LRIG2: variants seen among roughly 807,000 people sequenced by gnomAD.
LRIG2 encodes the protein leucine rich repeats and immunoglobulin like domains 2.
A neutral mutation model predicts 107.8 loss-of-function variants in LRIG2; 93 were observed. The ratio of observed to expected loss-of-function variants is 0.86; its 90% confidence interval spans 0.73 to 1.03. The LOEUF is 1.03. LRIG2 is among the 50% of genes least tolerant of loss of function. The pLI is 0.00. For missense variants in LRIG2, 1,226 were observed against 1,296.0 expected (o/e 0.95, Z 0.83); for synonymous variants, 471 against 470.6 (o/e 1.00, Z -0.01).
intron 1 of LRIG2, among the ~76,000 whole-genome samples, chr1:113,074,919 G>C (rs535520675): frequency 8.8e-6 from 1 of 114,016 alleles, no homozygotes; most frequent in Admixed American, 1.1e-4. Flanking sequence ...GGGGAGGGAG[G>C]GTCGGGGAGG....
chr1:113,119,711 C>T (rs1419405033), intron 17 of LRIG2, among the ~76,000 whole-genome samples, 188 bp downstream of exon 17: 1 of 152,132 alleles, frequency 6.6e-6, no homozygotes. Context: ...AAGAAGTCTT[C>T]ATCTATAGGA....
chr1:113,108,368 C>T (rs1333355480), intron 12 of LRIG2, among the ~76,000 whole-genome samples: 4 of 151,040 alleles, frequency 2.6e-5, no homozygotes, highest in East Asian at 2.0e-4. Flanking sequence ...GGATTACAGG[C>T]GTGTGCCACC....
At position 113,128,862 on chromosome 1, in the gene LRIG2, A is replaced by G. The variant is rs924452034; in HGVS notation, c.*4761A>G. The G allele has an allele frequency of 2.6e-5, 4 of 152,180 alleles. No homozygotes were observed. The highest frequency in any genetic ancestry group is 9.7e-5 in the African/African-American group (4 of 41,448). 9.4% of individuals were successfully genotyped at this position (152,180 alleles called of 1,614,324 possible). ...AGTTTGTGACTCACCTTTCTAATGT[A>G]TTCGAAGTTATCCCTATAATTATAT... On this transcript the variant is annotated 3_prime_UTR_variant, in exon 18 of 18. Transcript: ENST00000361127.
intron 1 of LRIG2, among the ~76,000 whole-genome samples, chr1:113,082,602 G>C (rs1052721564): frequency 6.6e-6 from 1 of 152,158 alleles, no homozygotes; most frequent in South Asian, 2.1e-4. Context: ...AGAGAGAGTT[G>C]TGTAGGGGAG....
chr1:113,117,640 T>C (rs910281850), intron 16 of LRIG2, among the ~76,000 whole-genome samples: 2 of 151,938 alleles, frequency 1.3e-5, no homozygotes, highest in African/African-American at 4.8e-5. Flanking sequence ...CGTGCCACCA[T>C]ACCCGGCTAA....
Position 113,115,307 on chromosome 1 carries a change from C to T in LRIG2, c.2530+431C>T, listed in dbSNP as rs1654956943. Among the ~76,000 whole-genome samples, 3 of 152,216 alleles carry T rather than the reference C, an allele frequency of 2.0e-5. No individual in the cohort carries two copies. The South Asian group carries it at 6.2e-4, about 32-fold the overall frequency. ...ATGGCTCACTGCAGCGTTGACTTCC[C>T]AGGCTCAGGTGATTCTCCCATCTCG... is the stretch of plus-strand genomic sequence containing the variant. On this transcript the variant is annotated intron_variant, in intron 15 of 17. Transcript: ENST00000361127.
At position 113,094,477 on chromosome 1, in the gene LRIG2, A is replaced by G. The variant is rs147709008; in HGVS notation, c.654A>G (p.Gln218=). Residue 218 remains glutamine, a synonymous_variant, in exon 5 of 18, where the codon CAA becomes CAG. Coordinates refer to ENST00000361127, the MANE Select transcript of LRIG2 (RefSeq NM_014813.3). ...PPKIFKLPHL[Q]FLELKRNRIK... ...AGATCTTCAAGCTGCCTCACCTCCAATTCTTGTGAGTAACGAAATAGACGG... is the reference window on the plus strand; with the variant it reads ...AGATCTTCAAGCTGCCTCACCTCCAGTTCTTGTGAGTAACGAAATAGACGG... 2.5e-6 allele frequency: 4 copies of G among 1,607,038 alleles called. No homozygotes were observed. Among genetic ancestry groups the G allele is most frequent in the South Asian group, 2.3e-5 (2 of 88,138 alleles).
At position 113,114,697 on chromosome 1, in the gene LRIG2, T is replaced by C. The variant is rs908289643; in HGVS notation, c.2351T>C (p.Ile784Thr). The change falls in exon 15 of 18, where the codon ATT becomes ACT. Residue 784 changes from isoleucine to threonine, a missense_variant. By Grantham distance (89) the Ile-to-Thr change is moderately conservative (BLOSUM62 -1). Coordinates refer to ENST00000361127, the MANE Select transcript of LRIG2 (RefSeq NM_014813.3). The part of the protein sequence containing the change: ...TERGHIYLNV[I>T]SSPNCDSSQS... Reference sequence around the variant, plus strand: ...CGTGGCCACATTTACCTAAATGTCATTTCATCCCCCAATTGTGACTCTTCC... The same window carrying C: ...CGTGGCCACATTTACCTAAATGTCACTTCATCCCCCAATTGTGACTCTTCC... 6.2e-7 allele frequency: 1 copy of C among 1,614,046 alleles called. No homozygotes were observed. The highest frequency in any genetic ancestry group is 1.3e-5 in the African/African-American group (1 of 74,924).
intron 1 of LRIG2, among the ~76,000 whole-genome samples, chr1:113,086,825 GAGA>G (rs1653577166): frequency 6.6e-6 from 1 of 152,180 alleles, no homozygotes; most frequent in Non-Finnish European, 1.5e-5. Context: ...CAGGCCCTCT[GAGA>G]GACCTTTACT....
At chr1:113,119,547 A>G in intron 17 of LRIG2, 24 bp downstream of exon 17, 4 of 1,605,372 alleles carry the variant, frequency 2.5e-6, no homozygotes, top group Non-Finnish European at 3.4e-6. Context: ...TTTTGTTGTT[A>G]TTTTGTTTTT....
chr1:113,091,394 T>G lies in LRIG2; in HGVS notation c.305+11T>G. ...AACATTACAGGAAGTGTAAGTTATTTTTATTTATTTAAAGTTATGTTAAAT... is the reference window on the plus strand; with the variant it reads ...AACATTACAGGAAGTGTAAGTTATTGTTATTTATTTAAAGTTATGTTAAAT... On this transcript the variant is annotated intron_variant, in intron 2 of 17. Transcript: ENST00000361127. 2.6e-6 allele frequency: 4 copies of G among 1,538,916 alleles called. No individual in the cohort carries two copies. Among genetic ancestry groups the G allele is most frequent in the Non-Finnish European group, 2.7e-6 (3 of 1,124,638 alleles).
intron 8 of LRIG2, among the ~76,000 whole-genome samples, chr1:113,096,613 T>G (rs957591540): frequency 1.3e-5 from 2 of 152,210 alleles, no homozygotes; most frequent in African/African-American, 4.8e-5. Context: ...GCATGTCTTA[T>G]TGTGTTAGTT....
chr1:113,110,434 A>C lies in LRIG2; in HGVS notation c.1670A>C (p.Glu557Ala), dbSNP rs747845119. The change falls in exon 13 of 18, where the codon GAA (glutamate) becomes GCA (alanine). Residue 557 changes from glutamate to alanine, a missense_variant. By Grantham distance (107) the Glu-to-Ala change is moderately radical. Around this residue, in one of 3 missense-constraint regions of LRIG2, gnomAD observed 642 missense variants for 712.2 expected, o/e 0.90. Transcript: ENST00000361127. The part of the protein sequence containing the change: ...NFVRYWQQAG[E>A]ALEYTSILHL... The stretch of plus-strand genomic sequence containing the variant: ...GTTCGTTATTGGCAGCAAGCTGGAG[A>C]AGCTCTGGAATATACTAGTATCTTA... The C allele has an allele frequency of 6.2e-7, 1 of 1,614,146 alleles. No homozygotes were observed. Among genetic ancestry groups the C allele is most frequent in the Middle Eastern group, 1.6e-4 (1 of 6,062 alleles).
In LRIG2 at chr1:113,073,227, C is replaced by A. The variant is rs1202594958; in HGVS notation, c.-180C>A. On this transcript the variant is annotated 5_prime_UTR_variant, in exon 1 of 18. Transcript: ENST00000361127. Reference sequence around the variant, plus strand: ...GAGAGGTGTCCGTCAGGCCGTGTGTCCCAGGCCGTCGACCCCGCTGTCGCG... The same window carrying A: ...GAGAGGTGTCCGTCAGGCCGTGTGTACCAGGCCGTCGACCCCGCTGTCGCG... The A allele has an allele frequency of 2.4e-5, 15 of 614,736 alleles. No individual in the cohort carries two copies. The highest frequency in any genetic ancestry group is 4.1e-5 in the Non-Finnish European group (14 of 345,138). 38.1% of individuals were successfully genotyped at this position (614,736 alleles called of 1,614,324 possible).
intron 1 of LRIG2, among the ~76,000 whole-genome samples, chr1:113,080,136 T>G (rs1413368414): frequency 2.0e-5 from 3 of 147,550 alleles, no homozygotes; most frequent in African/African-American, 7.5e-5. Flanking sequence ...TTCTCCTGCC[T>G]CAGCCTCCCA....
Position 113,106,193 on chromosome 1 carries a change from A to G in LRIG2, c.1314-1401A>G, listed in dbSNP as rs1570756338. Among the ~76,000 whole-genome samples, 3 of 150,568 alleles carry G rather than the reference A, an allele frequency of 2.0e-5. No homozygotes were observed. In the South Asian group the frequency reaches 6.4e-4, roughly 32 times the overall value. ...CAGTGGGCCGAGATTGCGCCACTGC[A>G]CTCCAGCCTGGGCAACAGAGCGAGA... On this transcript the variant is annotated intron_variant, in intron 11 of 17. Transcript: ENST00000361127.
intron 11 of LRIG2, among the ~76,000 whole-genome samples, chr1:113,104,103 G>T (rs1029284424): frequency 6.6e-6 from 1 of 152,152 alleles, no homozygotes; most frequent in South Asian, 2.1e-4. Flanking sequence ...TTATTGGCCT[G>T]TTTGGAATAC....
At chr1:113,114,071 TTTCTTTA>T (rs1453290781) in intron 14 of LRIG2, among the ~76,000 whole-genome samples, 4 of 152,200 alleles carry the variant, frequency 2.6e-5, no homozygotes, top group African/African-American at 9.7e-5. Context: ...TAAAAATGTT[TTTCTTTA>T]TTCTTTAAAG....
intron 1 of LRIG2, among the ~76,000 whole-genome samples, chr1:113,089,402 G>A (rs1255357476): frequency 2.0e-5 from 3 of 152,144 alleles, no homozygotes; most frequent in Non-Finnish European, 2.9e-5. Flanking sequence ...TAAAGTATTT[G>A]CTAGAAGTGA....
Sources: gnomAD v4.1 joint callset for allele counts (sites outside exome capture counted in the v4.1 genomes callset) on GRCh38, gnomAD v4.1.1 for gene constraint, gnomAD v4.1.1 regional missense constraint, MANE v1.5 for transcripts, NCBI Gene and HGNC (gene_info 2026-07-23, HGNC 2026-07-21) for gene names.